CPSF6: variants seen among roughly 807,000 people sequenced by gnomAD.
CPSF6 encodes the protein cleavage and polyadenylation specific factor 6, also known as cleavage and polyadenylation specificity factor subunit 6.
A neutral mutation model predicts 56.7 loss-of-function variants in CPSF6; 10 were observed. The ratio of observed to expected loss-of-function variants is 0.18; its 90% confidence interval spans 0.11 to 0.30. The LOEUF is 0.30. CPSF6 is among the 10% of genes least tolerant of loss of function. CPSF6 has a pLI of 1.00. For missense variants in CPSF6, 419 were observed against 722.9 expected (o/e 0.58, Z 4.82); for synonymous variants, 248 against 244.8 (o/e 1.01, Z -0.12).
chr12:69,249,265 C>T lies in CPSF6; in HGVS notation c.61-1864C>T, dbSNP rs1418402938. On this transcript the variant is annotated intron_variant, in intron 1 of 9. Transcript: ENST00000435070. ...CAGCCTGGGCGACAGAGCAAGACTC[C>T]GTCTCAAAAAAATAAATAAATAAAA... is the stretch of plus-strand genomic sequence containing the variant. Among the ~76,000 whole-genome samples, 11 of 143,596 alleles carry T rather than the reference C, an allele frequency of 7.7e-5. No homozygotes were observed. The South Asian group carries it at 1.5e-3, about 20-fold the overall frequency. The allele number at this position is 143,596 out of a possible 152,430, so 94.2% of individuals were successfully genotyped here.
In CPSF6 at chr12:69,265,896, G is replaced by A. The variant is rs539672406; in HGVS notation, c.*3+3334G>A. ...GGATTGATTACAGGCGTGAGCCACC[G>A]CGCCCAGTCTAGTCTGATTACTTTT... On this transcript the variant is annotated intron_variant, in intron 9 of 9. Transcript: ENST00000435070. Among the ~76,000 whole-genome samples, 23 of 151,812 alleles carry A rather than the reference G, an allele frequency of 1.5e-4. No homozygotes were observed. In the South Asian group the frequency reaches 3.1e-3, roughly 21 times the overall value.
At position 69,270,094 on chromosome 12, in the gene CPSF6, C is replaced by G. The variant is rs200580105; in HGVS notation, c.*586C>G. 2 of 152,126 alleles carry G rather than the reference C, an allele frequency of 1.3e-5. No homozygotes were observed. Among genetic ancestry groups the G allele is most frequent in the Admixed American group, 6.6e-5 (1 of 15,228 alleles). 9.4% of individuals were successfully genotyped at this position (152,126 alleles called of 1,614,324 possible). ...TTGGATATGCCTCAATCTAATCTTG[C>G]GTTCAGTGAATTAAACATAGTAATT... On this transcript the variant is annotated 3_prime_UTR_variant, in exon 10 of 10. Coordinates refer to ENST00000435070, the MANE Select transcript of CPSF6 (RefSeq NM_007007.3).
At chr12:69,251,391 T>C (rs1426905655) in intron 2 of CPSF6, 53 bp downstream of exon 2, 1 of 1,146,686 alleles carries the variant, frequency 8.7e-7, no homozygotes, top group Non-Finnish European at 1.3e-6. Context: ...TTTGAACTGC[T>C]CTAGTAATTA....
At chr12:69,251,101 A>G in intron 1 of CPSF6, 28 bp from the exon 2 acceptor site, 1 of 1,584,060 alleles carries the variant, frequency 6.3e-7, no homozygotes, top group Non-Finnish European at 8.6e-7. Context: ...ACTTTTGTAT[A>G]ATCTAGAGCA....
intron 9 of CPSF6, among the ~76,000 whole-genome samples, chr12:69,269,186 A>G (rs1013163406): frequency 1.3e-5 from 2 of 151,866 alleles, no homozygotes; most frequent in Non-Finnish European, 3.0e-5. Context: ...TTTTTGTAGT[A>G]TGCATATTTT....
intron 3 of CPSF6, among the ~76,000 whole-genome samples, chr12:69,256,324 C>T (rs1002660587): frequency 2.0e-5 from 3 of 152,112 alleles, no homozygotes; most frequent in Non-Finnish European, 4.4e-5. Flanking sequence ...CTGTGAAATA[C>T]TAAAAACCAC....
chr12:69,271,133 T>G lies in CPSF6; in HGVS notation c.*1625T>G, dbSNP rs564819461. On this transcript the variant is annotated 3_prime_UTR_variant, in exon 10 of 10. Transcript: ENST00000435070. Reference sequence around the variant, plus strand: ...TACCCATATCACTGCCAGTTTTATTTTAAAATATTTTGTGTTTGAAGTATC... The same window carrying G: ...TACCCATATCACTGCCAGTTTTATTGTAAAATATTTTGTGTTTGAAGTATC... 1.3e-5 allele frequency: 2 copies of G among 152,374 alleles called. No homozygotes were observed. Among genetic ancestry groups the G allele is most frequent in the South Asian group, 4.1e-4 (2 of 4,830 alleles). The allele number at this position is 152,374 out of a possible 1,614,324, so 9.4% of individuals were successfully genotyped here. A position where few individuals can be genotyped will look rare whatever the true frequency, so the allele number is the denominator to read the frequency against.
intron 3 of CPSF6, among the ~76,000 whole-genome samples, chr12:69,255,773 A>AGG (rs1464924155): frequency 6.6e-6 from 1 of 152,084 alleles, no homozygotes; most frequent in Non-Finnish European, 1.5e-5. Context: ...TCCTGACCTC[A>AGG]TGATCCTCCT....
chr12:69,249,158 G>C (rs879811216), intron 1 of CPSF6, among the ~76,000 whole-genome samples: 3 of 68,634 alleles, frequency 4.4e-5, no homozygotes, highest in African/African-American at 1.2e-4. Context: ...TACTCGGGGG[G>C]GGGGGGGGGG....
At chr12:69,264,752 A>G (rs562395921) in intron 9 of CPSF6, among the ~76,000 whole-genome samples, 2 of 152,172 alleles carry the variant, frequency 1.3e-5, no homozygotes, top group African/African-American at 4.8e-5. Context: ...GTAGACTTGA[A>G]TAAAGGGGTG....
rs756356598 is a variant in CPSF6 at position 69,258,879 on chromosome 12, C to T, written c.984C>T (p.Pro328=). 2.5e-5 allele frequency: 40 copies of T among 1,614,096 alleles called. No homozygotes were observed. The highest frequency in any genetic ancestry group is 6.7e-5 in the East Asian group (3 of 44,884). Reference sequence around the variant, plus strand: ...CAGGCCCCTTTCCACCTCGTCCACCCGGTCCACTTGGGCCACCCCTTACAC... The same window carrying T: ...CAGGCCCCTTTCCACCTCGTCCACCTGGTCCACTTGGGCCACCCCTTACAC... The part of the protein sequence containing the change: ...PPPGPFPPRP[P]GPLGPPLTLA... Residue 328 remains proline, a synonymous_variant, in exon 6 of 10, where the codon CCC becomes CCT. Transcript: ENST00000435070. This position sits in a 1 kb window ranked among gnomAD's most constrained non-coding sequence, Gnocchi z 4.2.
At chr12:69,241,496 A>G (rs2120399628) in intron 1 of CPSF6, among the ~76,000 whole-genome samples, 1 of 152,370 alleles carries the variant, frequency 6.6e-6, no homozygotes, top group Admixed American at 6.5e-5. Flanking sequence ...TATGCACAAT[A>G]AAAGAAGAAT....
At chr12:69,252,253 C>CAAAA (rs9325189) in intron 2 of CPSF6, 242,047 of 332,714 alleles carry the variant, frequency 0.73, 89,160 homozygotes, top group African/African-American at 0.84. Context: ...AAAAACAAAA[C>CAAAA]AAACACTTTT....
intron 9 of CPSF6, among the ~76,000 whole-genome samples, chr12:69,265,598 C>CTTTTTTTT (rs56097101): frequency 1.0e-5 from 1 of 99,802 alleles, no homozygotes; most frequent in Non-Finnish European, 2.0e-5. Flanking sequence ...TATCTGATTA[C>CTTTTTTTT]TTTTTTTTTT....
In CPSF6 at chr12:69,253,030, G is replaced by A. The variant is rs748593114; in HGVS notation, c.271-21G>A. On this transcript the variant is annotated intron_variant, in intron 2 of 9. Coordinates refer to ENST00000435070, the MANE Select transcript of CPSF6 (RefSeq NM_007007.3). ...TCTTGGTTTTATTTTAATGGTTAAT[G>A]AGGGGGAAAATATCTTGCAGTGGAC... is the stretch of plus-strand genomic sequence containing the variant. 2.2e-6 allele frequency: 3 copies of A among 1,370,386 alleles called. No individual in the cohort carries two copies. The South Asian group carries it at 4.2e-5, about 19-fold the overall frequency. The allele number at this position is 1,370,386 out of a possible 1,614,324, so 84.9% of individuals were successfully genotyped here. A position where few individuals can be genotyped will look rare whatever the true frequency, so the allele number is the denominator to read the frequency against.
At chr12:69,261,305 T>C (rs1326190334) in intron 8 of CPSF6, among the ~76,000 whole-genome samples, 1 of 152,180 alleles carries the variant, frequency 6.6e-6, no homozygotes, top group Non-Finnish European at 1.5e-5. Flanking sequence ...AAAGTAATAA[T>C]TTTTTAATCC....
chr12:69,244,009 T>A (rs1049415913), intron 1 of CPSF6, among the ~76,000 whole-genome samples: 5 of 152,020 alleles, frequency 3.3e-5, no homozygotes, highest in African/African-American at 4.8e-5. Context: ...AATTTCAAAT[T>A]TTTTTTGTAG....
intron 2 of CPSF6, chr12:69,252,211 C>A: frequency 2.5e-6 from 1 of 401,654 alleles, no homozygotes; most frequent in Non-Finnish European, 4.9e-6. Flanking sequence ...GTAGCTAGGA[C>A]CACAGGCATG....
chr12:69,263,584 A>G (rs1872843396), intron 9 of CPSF6, among the ~76,000 whole-genome samples: 1 of 151,902 alleles, frequency 6.6e-6, no homozygotes, highest in Non-Finnish European at 1.5e-5. Flanking sequence ...ATAGGTAAAT[A>G]CTCTTTATGT....
Sources: allele counts gnomAD v4.1 joint callset (sites outside exome capture counted in the v4.1 genomes callset), GRCh38; gene constraint gnomAD v4.1.1; non-coding constraint Gnocchi (gnomAD v3.1); transcripts MANE v1.5; gene names NCBI Gene and HGNC (gene_info 2026-07-23, HGNC 2026-07-21).